NOSTRIN: variants seen among roughly 807,000 people sequenced by gnomAD.
NOSTRIN encodes BM247 homolog.
A neutral mutation model predicts 59.0 loss-of-function variants in NOSTRIN; 63 were observed. The observed-to-expected ratio is 1.07, with a 90% confidence interval of 0.87 to 1.32. NOSTRIN has a LOEUF of 1.32. Among genes scored for constraint, NOSTRIN ranks in the 40% most tolerant of loss-of-function variants. The pLI, the probability that NOSTRIN is intolerant of heterozygous loss-of-function variation, is 0.00. For missense variants in NOSTRIN, 512 were observed against 473.1 expected, an observed-to-expected ratio of 1.08 and a Z score of -0.76; for synonymous variants, 200 against 165.4, an observed-to-expected ratio of 1.21 and a Z score of -1.61.
intron 1 of NOSTRIN, among the ~76,000 whole-genome samples, chr2:168,810,090 C>T (rs1686056256): frequency 1.3e-5 from 2 of 152,218 alleles, no homozygotes; most frequent in Non-Finnish European, 2.9e-5. Flanking sequence ...GTTCTAGCAG[C>T]TGCCTCACCA....
At chr2:168,839,919 ATATG>A (rs1283470536) in intron 7 of NOSTRIN, among the ~76,000 whole-genome samples, 14 of 93,582 alleles carry the variant, frequency 1.5e-4, no homozygotes, top group African/African-American at 4.5e-4. Context: ...ATATATATAT[ATATG>A]TGTGTGTGTG....
Position 168,855,389 on chromosome 2 carries a change from G to A in NOSTRIN, c.893G>A (p.Arg298Gln), listed in dbSNP as rs773928664. Reference protein sequence around the residue: ...DPNSAMDKERRKSLLKPKLLR... With the variant: ...DPNSAMDKERQKSLLKPKLLR... ...AACAGTGCAATGGATAAAGAGAGAC[G>A]AAAGTCTTTACTAAAACCAAAATTA... Residue 298 changes from arginine (R) to glutamine (Q), a missense_variant, in exon 11 of 16, where the codon CGA becomes CAA. Coordinates refer to ENST00000317647, the MANE Select transcript of NOSTRIN (RefSeq NM_001039724.4). 41 of 1,609,126 alleles carry A rather than the reference G, an allele frequency of 2.5e-5. No homozygotes were observed. The highest frequency in any genetic ancestry group is 4.4e-5 in the South Asian group (4 of 90,816).
At chr2:168,832,254 G>A (rs1201131745) in intron 6 of NOSTRIN, among the ~76,000 whole-genome samples, 1 of 152,062 alleles carries the variant, frequency 6.6e-6, no homozygotes, top group African/African-American at 2.4e-5. Context: ...TTACGATCTG[G>A]CGTGGGAAGC....
At chr2:168,854,523 T>C (rs1056952366) in intron 10 of NOSTRIN, among the ~76,000 whole-genome samples, 1 of 152,240 alleles carries the variant, frequency 6.6e-6, no homozygotes, top group African/African-American at 2.4e-5. Flanking sequence ...TCATGAATGA[T>C]TCCTCATAGC....
intron 15 of NOSTRIN, 48 bp from the exon 16 acceptor site, chr2:168,864,786 C>T: frequency 1.2e-6 from 2 of 1,605,658 alleles, no homozygotes; most frequent in Non-Finnish European, 1.7e-6. Context: ...CGGGCTGAGG[C>T]ATGTGTTCAC....
At chr2:168,817,025 C>A (rs551050457) in intron 2 of NOSTRIN, among the ~76,000 whole-genome samples, 1 of 152,284 alleles carries the variant, frequency 6.6e-6, no homozygotes, top group African/African-American at 2.4e-5. Context: ...ACAGGAGAGA[C>A]CACTTATTCA....
At chr2:168,829,670 A>C (rs1323512984) in intron 5 of NOSTRIN, among the ~76,000 whole-genome samples, 2 of 152,166 alleles carry the variant, frequency 1.3e-5, no homozygotes, top group Non-Finnish European at 2.9e-5. Context: ...TGTATTATTC[A>C]GTAGTTAAGC....
chr2:168,796,233 G>T (rs546940685), upstream of NOSTRIN, among the ~76,000 whole-genome samples: 1 of 152,356 alleles, frequency 6.6e-6, no homozygotes, highest in African/African-American at 2.4e-5. Context: ...CAAGGACTAG[G>T]CGTCGTCCAG....
At chr2:168,824,765 GTTT>G in intron 3 of NOSTRIN, 48 bp downstream of exon 3, 6 of 753,432 alleles carry the variant, frequency 8.0e-6, no homozygotes, top group Non-Finnish European at 1.4e-5. Flanking sequence ...TTTTTTATTT[GTTT>G]TTTGTTTGTT....
chr2:168,842,161 C>T (rs1688145771), intron 7 of NOSTRIN, among the ~76,000 whole-genome samples: 1 of 152,294 alleles, frequency 6.6e-6, no homozygotes, highest in East Asian at 1.9e-4. Flanking sequence ...AAAAGAGGTT[C>T]TGGTTTCTGT....
chr2:168,793,666 G>A (rs530472440), upstream of NOSTRIN, among the ~76,000 whole-genome samples: 3 of 152,016 alleles, frequency 2.0e-5, no homozygotes, highest in South Asian at 6.2e-4. Context: ...GTTCCTATGT[G>A]GAGAGAAAAA....
intron 1 of NOSTRIN, among the ~76,000 whole-genome samples, chr2:168,810,587 A>G (rs181154118): frequency 2.0e-5 from 3 of 152,294 alleles, no homozygotes; most frequent in East Asian, 3.9e-4. Context: ...TATGGTGCCC[A>G]ACTGAATGCT....
upstream of NOSTRIN, among the ~76,000 whole-genome samples, chr2:168,795,835 T>C (rs983003997): frequency 6.6e-6 from 1 of 152,212 alleles, no homozygotes; most frequent in African/African-American, 2.4e-5. Flanking sequence ...CTATTAACAA[T>C]AACAGCATTA....
chr2:168,820,698 G>A (rs79003803), intron 2 of NOSTRIN, among the ~76,000 whole-genome samples: 202 of 133,754 alleles, frequency 1.5e-3, no homozygotes, highest in African/African-American at 5.8e-3. Flanking sequence ...GAAACACTGG[G>A]GCACAGGAGA....
At chr2:168,850,133 A>T (rs1003119794) in intron 8 of NOSTRIN, among the ~76,000 whole-genome samples, 18 of 151,492 alleles carry the variant, frequency 1.2e-4, no homozygotes, top group African/African-American at 4.4e-4. Flanking sequence ...GGCTGGTCTC[A>T]AACTCCTGAC....
rs780096877 is a variant in NOSTRIN, at chr2:168,862,030, T to C, written c.1365T>C (p.Asp455=). ...ALYSFQARQD[D]ELNLEKGDIV... ...ATTCTTTTCAAGCCAGGCAAGATGA[T>C]GAGTTGAATTTGGAAAAGGGTAAGA... is the stretch of plus-strand genomic sequence containing the variant. Residue 455 remains aspartate, a synonymous_variant, in exon 15 of 16, where the codon GAT becomes GAC. Coordinates refer to ENST00000317647, the MANE Select transcript of NOSTRIN (RefSeq NM_001039724.4). 1 of 1,614,152 alleles carries C rather than the reference T, an allele frequency of 6.2e-7. No individual in the cohort carries two copies. The highest frequency in any genetic ancestry group is 8.5e-7 in the Non-Finnish European group (1 of 1,179,998).
chr2:168,829,612 C>A (rs1366857122), intron 5 of NOSTRIN, among the ~76,000 whole-genome samples: 2 of 152,230 alleles, frequency 1.3e-5, no homozygotes. Flanking sequence ...TGAGCCACTG[C>A]CCTCGGCCTA....
chr2:168,801,566 T>G (rs987100100), upstream of NOSTRIN, among the ~76,000 whole-genome samples: 6 of 152,086 alleles, frequency 3.9e-5, no homozygotes, highest in Non-Finnish European at 8.8e-5. Flanking sequence ...CAGGGGCAGG[T>G]GAATGGAGGC....
At chr2:168,791,897 GA>G (rs1390511554) in intron 2 of NOSTRIN, among the ~76,000 whole-genome samples, 46 of 152,292 alleles carry the variant, frequency 3.0e-4, no homozygotes, top group African/African-American at 1.1e-3. Context: ...TTCGTCAGAT[GA>G]GTAGGTGGCA....
Sources: gnomAD v4.1 joint callset for allele counts (sites outside exome capture counted in the v4.1 genomes callset) on GRCh38, gnomAD v4.1.1 for gene constraint, MANE v1.5 for transcripts, NCBI Gene and HGNC (gene_info 2026-07-23, HGNC 2026-07-21) for gene names.